The following SMARCC1 variants were observed in gnomAD, a reference collection of about 807,000 sequenced individuals.
The protein encoded by SMARCC1 is SWI/SNF related BAF chromatin remodeling complex subunit C1.
A neutral mutation model predicts 147.4 loss-of-function variants in SMARCC1; 43 were observed. That is an observed-to-expected ratio of 0.29 (90% confidence interval 0.23 to 0.38). The LOEUF is 0.38. Ranked by LOEUF, SMARCC1 falls within the 10% of genes least tolerant of loss-of-function variation. The pLI, the probability that SMARCC1 is intolerant of heterozygous loss-of-function variation, is 1.00. For missense variants in SMARCC1, 1,119 were observed against 1,381.1 expected (o/e 0.81, Z 3.01); for synonymous variants, 495 against 484.4 (o/e 1.02, Z -0.29).
In SMARCC1 at chr3:47,588,303, G is replaced by A. The variant is rs3772406; in HGVS notation, c.3224C>T (p.Pro1075Leu). ...VPLTAPNGMY[P>L]PPPQQQPPPP... ...CGGTGGCTGCTGCTGTGGTGGAGGG[G>A]GATCTGCAAACATATCCAAGAGTAA... Residue 1075 changes from proline (P) to leucine (L), a missense_variant, in exon 28 of 28, where the codon CCC becomes CTC. This residue lies in a region of SMARCC1 where 186 missense variants were observed against 216.5 expected (regional missense o/e 0.86). Transcript: ENST00000254480. The A allele has an allele frequency of 1.1e-4, 170 of 1,613,436 alleles. No individual in the cohort carries two copies. The highest frequency in any genetic ancestry group is 1.3e-4 in the Non-Finnish European group (156 of 1,179,694).
At chr3:47,670,358 G>A (rs953393375) in intron 19 of SMARCC1, 2 of 344,984 alleles carry the variant, frequency 5.8e-6, no homozygotes, top group Non-Finnish European at 5.2e-6. Flanking sequence ...GCCAAGGTGG[G>A]AGGATTGCTT....
chr3:47,673,272 C>T (rs757001550), intron 18 of SMARCC1, among the ~76,000 whole-genome samples: 4 of 151,576 alleles, frequency 2.6e-5, no homozygotes, highest in Non-Finnish European at 4.4e-5. Flanking sequence ...CACCTGTAAT[C>T]CCACCACTTT....
At chr3:47,750,005 C>G (rs1371176310) in intron 2 of SMARCC1, among the ~76,000 whole-genome samples, 1 of 151,550 alleles carries the variant, frequency 6.6e-6, no homozygotes, top group Non-Finnish European at 1.5e-5. Context: ...TAGCATGAAC[C>G]CGGGACATGG....
At chr3:47,719,814 C>T (rs1244339906) in intron 7 of SMARCC1, among the ~76,000 whole-genome samples, 2 of 151,988 alleles carry the variant, frequency 1.3e-5, no homozygotes, top group Admixed American at 6.6e-5. Flanking sequence ...CGGCTCACTG[C>T]AACCTCCGCT....
intron 12 of SMARCC1, among the ~76,000 whole-genome samples, chr3:47,691,965 C>G (rs2033795725): frequency 6.6e-6 from 1 of 152,152 alleles, no homozygotes; most frequent in Admixed American, 6.5e-5. Context: ...TGCCACTGTA[C>G]TCCAGCCTGG....
Position 47,661,398 on chromosome 3 carries a change from T to C in SMARCC1, c.2216A>G (p.Lys739Arg), listed in dbSNP as rs553886093. 2 of 1,613,852 alleles carry C rather than the reference T, an allele frequency of 1.2e-6. No individual in the cohort carries two copies. Among genetic ancestry groups the C allele is most frequent in the South Asian group, 1.1e-5 (1 of 91,042 alleles). The change falls in exon 21 of 28, where the codon AAG (lysine) becomes AGG (arginine). Residue 739 changes from lysine (K) to arginine (R), a missense_variant. This residue lies in a region of SMARCC1 where 157 missense variants were observed against 158.6 expected (regional missense o/e 0.99). Coordinates refer to ENST00000254480, the MANE Select transcript of SMARCC1 (RefSeq NM_003074.4). ...VPLELVEAHVKKVQEAARASG... is the reference protein window; with the variant it reads ...VPLELVEAHVRKVQEAARASG... ...GGCTCGTGCTGCTTCTTGTACTTTCTTGACATGAGCTTCAACCAATTCCAG... is the reference window on the plus strand; with the variant it reads ...GGCTCGTGCTGCTTCTTGTACTTTCCTGACATGAGCTTCAACCAATTCCAG...
chr3:47,700,763 G>C (rs2033908095), intron 11 of SMARCC1, among the ~76,000 whole-genome samples: 1 of 152,138 alleles, frequency 6.6e-6, no homozygotes, highest in South Asian at 2.1e-4. Flanking sequence ...AACCTCAAGT[G>C]ATCTGTCTGC....
chr3:47,628,813 G>A (rs1195309896), intron 24 of SMARCC1, among the ~76,000 whole-genome samples: 5 of 151,954 alleles, frequency 3.3e-5, no homozygotes, highest in Non-Finnish European at 7.4e-5. Context: ...CAAATGATCC[G>A]CCCACCTCGG....
chr3:47,607,497 C>T (rs546648920), intron 26 of SMARCC1, among the ~76,000 whole-genome samples: 1 of 152,088 alleles, frequency 6.6e-6, no homozygotes, highest in Non-Finnish European at 1.5e-5. Context: ...GATAAGCAAA[C>T]TATAAAAATC....
intron 2 of SMARCC1, among the ~76,000 whole-genome samples, chr3:47,759,477 C>A (rs1374033957): frequency 2.0e-5 from 3 of 148,694 alleles, no homozygotes. Context: ...AAAAATTAGC[C>A]GAGCATGGTG....
At chr3:47,730,005 C>T (rs1209954897) in intron 5 of SMARCC1, among the ~76,000 whole-genome samples, 1 of 151,858 alleles carries the variant, frequency 6.6e-6, no homozygotes. Flanking sequence ...ACGGTGAAAC[C>T]CCATCTCTAC....
intron 25 of SMARCC1, among the ~76,000 whole-genome samples, chr3:47,621,604 T>G (rs2032732949): frequency 6.6e-6 from 1 of 152,224 alleles, no homozygotes; most frequent in Admixed American, 6.5e-5. Flanking sequence ...CTAAACACTG[T>G]GTATACACAG....
chr3:47,725,653 T>C (rs1028859677), intron 6 of SMARCC1, among the ~76,000 whole-genome samples: 27 of 147,066 alleles, frequency 1.8e-4, no homozygotes, highest in Non-Finnish European at 3.3e-4. Context: ...GGTTTCACCA[T>C]GTTGGCAAGG....
chr3:47,670,570 C>T (rs1358976759), intron 19 of SMARCC1, 88 bp downstream of exon 19: 6 of 879,670 alleles, frequency 6.8e-6, no homozygotes, highest in African/African-American at 6.6e-5. Flanking sequence ...GGTGACACAG[C>T]GAGACCCTGC....
Position 47,662,419 on chromosome 3 carries a change from T to A in SMARCC1, c.2073A>T (p.Ser691=). ...CAACAGTACTCATAACTGGATTTCCTGACTGACTGAAGGGGACAGGCTGGT... is the reference window on the plus strand; with the variant it reads ...CAACAGTACTCATAACTGGATTTCCAGACTGACTGAAGGGGACAGGCTGGT... The part of the protein sequence containing the change: ...LAYQPVPFSQ[S]GNPVMSTVAF... The change falls in exon 20 of 28, where the codon TCA becomes TCT. Residue 691 remains serine, a synonymous_variant. Transcript: ENST00000254480. 6.2e-7 allele frequency: 1 copy of A among 1,614,136 alleles called. No homozygotes were observed. Among genetic ancestry groups the A allele is most frequent in the Non-Finnish European group, 8.5e-7 (1 of 1,179,994 alleles).
At chr3:47,675,217 CT>C (rs2033554190) in intron 18 of SMARCC1, among the ~76,000 whole-genome samples, 1 of 152,128 alleles carries the variant, frequency 6.6e-6, no homozygotes, top group South Asian at 2.1e-4. Context: ...TTCAAGTATA[CT>C]TTTCAGTTCT....
At chr3:47,648,356 A>G (rs2033145051) in intron 21 of SMARCC1, among the ~76,000 whole-genome samples, 1 of 151,998 alleles carries the variant, frequency 6.6e-6, no homozygotes, top group Admixed American at 6.6e-5. Context: ...GCATTCCTCC[A>G]TCAAAAATTA....
chr3:47,662,659 CT>C, intron 19 of SMARCC1, 67 bp from the exon 20 acceptor site: 2 of 1,303,484 alleles, frequency 1.5e-6, no homozygotes, highest in Non-Finnish European at 2.1e-6. Context: ...ATTAGAAGTT[CT>C]TTAGATAGCT....
intron 25 of SMARCC1, among the ~76,000 whole-genome samples, chr3:47,619,967 A>G (rs1416887219): frequency 6.6e-6 from 1 of 152,224 alleles, no homozygotes; most frequent in Non-Finnish European, 1.5e-5. Context: ...AAATAATGCA[A>G]GAAGATACTT....
Sources: allele counts gnomAD v4.1 joint callset (sites outside exome capture counted in the v4.1 genomes callset), GRCh38; gene constraint gnomAD v4.1.1; regional missense constraint gnomAD v4.1.1; transcripts MANE v1.5; gene names NCBI Gene and HGNC (gene_info 2026-07-23, HGNC 2026-07-21).